The following NBEA variants were observed in gnomAD, a reference collection of about 807,000 sequenced individuals.
NBEA encodes lysosomal-trafficking regulator 2.
Under a neutral mutation model 343.4 loss-of-function variants are expected in NBEA, and 44 were observed. The ratio of observed to expected loss-of-function variants is 0.13; its 90% CI spans 0.10 to 0.16. NBEA has a LOEUF of 0.16. Among genes scored for constraint, NBEA ranks in the 10% least tolerant of loss-of-function variants. NBEA has a pLI of 1.00. For missense variants in NBEA, 2,555 were observed against 3,631.3 expected (o/e 0.70, Z 7.62); for synonymous variants, 1,175 against 1,238.7 (o/e 0.95, Z 1.08).
At chr13:35,074,809 T>A (rs942820000) in intron 10 of NBEA, among the ~76,000 whole-genome samples, 3 of 152,254 alleles carry the variant, frequency 2.0e-5, no homozygotes, top group Non-Finnish European at 4.4e-5. Flanking sequence ...AGTTACCTAT[T>A]TTTTGGGGGG....
intron 41 of NBEA, among the ~76,000 whole-genome samples, chr13:35,479,372 C>T (rs575248293): frequency 1.3e-5 from 2 of 152,262 alleles, no homozygotes; most frequent in African/African-American, 4.8e-5. Context: ...ACACTGAACA[C>T]GTGAAATGAA....
intron 33 of NBEA, among the ~76,000 whole-genome samples, chr13:35,220,291 A>G (rs4112784): frequency 0.046 from 6,968 of 152,212 alleles, 197 homozygotes; most frequent in South Asian, 0.079. Flanking sequence ...CCAAATGACT[A>G]TCATTTTTTG....
chr13:35,019,919 A>C (rs914673821), intron 1 of NBEA, among the ~76,000 whole-genome samples: 1 of 152,120 alleles, frequency 6.6e-6, no homozygotes, highest in Non-Finnish European at 1.5e-5. Context: ...CAGCTGTCCC[A>C]CACCTCTTTG....
In NBEA at chr13:35,537,768, A is replaced by G. The variant is rs146518940; in HGVS notation, c.6586-12709A>G. 1.1e-3 allele frequency among the ~76,000 whole-genome samples: 175 copies of G among 152,334 alleles called. 2 individuals are homozygous for G. Among genetic ancestry groups the G allele is most frequent in the African/African-American group, 4.0e-3 (166 of 41,584 alleles). On this transcript the variant is annotated intron_variant, in intron 41 of 58. Coordinates refer to ENST00000379939, the MANE Select transcript of NBEA (RefSeq NM_001385012.1). ...GTGACAGGAAACAACATGGTAGGTA[A>G]CAAGGGACTGAACAAAGGCCAGTGT...
rs913172433 is a variant in NBEA at position 34,965,214 on chromosome 13, G to A, written c.294+22100G>A. Among the ~76,000 whole-genome samples, 3 of 151,962 alleles carry A rather than the reference G, an allele frequency of 2.0e-5. 1 individual carries two copies. In the South Asian group the frequency reaches 6.2e-4, roughly 31 times the overall value. On this transcript the variant is annotated intron_variant, in intron 1 of 58. Transcript: ENST00000379939. ...TATGCCCAACTCTGAGGACAGAACA[G>A]GATTGGGAAGATGATTCTTATCTTT...
intron 1 of NBEA, among the ~76,000 whole-genome samples, chr13:34,959,607 G>C (rs531061854): frequency 7.9e-5 from 12 of 152,200 alleles, no homozygotes; most frequent in African/African-American, 2.9e-4. Flanking sequence ...CTGTGAAGAA[G>C]CATTTTTTCT....
At chr13:35,428,639 A>G (rs1430389741) in intron 38 of NBEA, among the ~76,000 whole-genome samples, 3 of 151,982 alleles carry the variant, frequency 2.0e-5, no homozygotes, top group African/African-American at 7.3e-5. Context: ...ATTCATTTCA[A>G]GCATTTTCAT....
chr13:35,209,769 C>T (rs1046138415), intron 32 of NBEA, among the ~76,000 whole-genome samples: 6 of 152,016 alleles, frequency 3.9e-5, no homozygotes, highest in African/African-American at 1.4e-4. Flanking sequence ...ATCATACCAC[C>T]TGAGTCTGAC....
intron 1 of NBEA, among the ~76,000 whole-genome samples, chr13:35,022,208 A>G (rs550396411): frequency 5.3e-5 from 8 of 152,160 alleles, no homozygotes; most frequent in Non-Finnish European, 8.8e-5. Flanking sequence ...ATTGTTATAG[A>G]CATATAAAGC....
intron 14 of NBEA, among the ~76,000 whole-genome samples, chr13:35,117,777 C>A (rs1225405485): frequency 6.6e-6 from 1 of 151,930 alleles, no homozygotes; most frequent in African/African-American, 2.4e-5. Flanking sequence ...AGAAAATGAT[C>A]TGTGTGCCAG....
intron 1 of NBEA, among the ~76,000 whole-genome samples, chr13:35,029,846 C>G (rs1289986991): frequency 6.6e-6 from 1 of 151,554 alleles, no homozygotes; most frequent in Non-Finnish European, 1.5e-5. Context: ...ATAAAAGTTA[C>G]TGCAGTTTAA....
chr13:35,478,672 C>G (rs1167958768), intron 41 of NBEA, among the ~76,000 whole-genome samples: 1 of 152,266 alleles, frequency 6.6e-6, no homozygotes. Flanking sequence ...GGTCTGCCCA[C>G]GCACCCCTCA....
At chr13:35,654,355 G>T (rs1186901230) in intron 53 of NBEA, among the ~76,000 whole-genome samples, 2 of 152,154 alleles carry the variant, frequency 1.3e-5, no homozygotes, top group African/African-American at 4.8e-5. Context: ...GAAGCTCCCT[G>T]TGGGGCTGCC....
intron 34 of NBEA, among the ~76,000 whole-genome samples, chr13:35,283,381 A>G (rs1430089708): frequency 6.6e-6 from 1 of 152,220 alleles, no homozygotes; most frequent in Non-Finnish European, 1.5e-5. Flanking sequence ...TTCTGGGATT[A>G]CAATTTAAAA....
intron 38 of NBEA, among the ~76,000 whole-genome samples, chr13:35,428,572 T>C (rs2044868770): frequency 6.6e-6 from 1 of 152,220 alleles, no homozygotes; most frequent in African/African-American, 2.4e-5. Flanking sequence ...GGTTCTTCTT[T>C]ACATCTTCTG....
At chr13:35,412,292 T>C (rs1197235338) in intron 38 of NBEA, among the ~76,000 whole-genome samples, 2 of 152,132 alleles carry the variant, frequency 1.3e-5, no homozygotes, top group Non-Finnish European at 2.9e-5. Context: ...ACATGTTAAC[T>C]AAAAGGGCGC....
At position 35,326,021 on chromosome 13, in the gene NBEA, G is replaced by A. The variant is rs536964422; in HGVS notation, c.5903+16429G>A. ...TCCCCTTCCATTGGTTTGTATGTGT[G>A]TTGTACCAACAACACCATGCTGTTT... On this transcript the variant is annotated intron_variant, in intron 36 of 58. Transcript: ENST00000379939. Among the ~76,000 whole-genome samples, 4 of 152,074 alleles carry A rather than the reference G, an allele frequency of 2.6e-5. No homozygotes were observed. The East Asian group carries it at 7.7e-4, about 29-fold the overall frequency.
At chr13:35,322,340 G>T (rs2038215138) in intron 36 of NBEA, among the ~76,000 whole-genome samples, 1 of 152,128 alleles carries the variant, frequency 6.6e-6, no homozygotes, top group Non-Finnish European at 1.5e-5. Flanking sequence ...GGCTTCCCTT[G>T]GCTAGGGTAG....
rs1416128983 is a variant in NBEA, at chr13:35,349,268, TC to T, written c.6012+53del. 1.4e-5 allele frequency: 15 copies of T among 1,051,628 alleles called. No individual in the cohort carries two copies. The Admixed American group carries it at 3.2e-4, about 22-fold the overall frequency. The allele number at this position is 1,051,628 out of a possible 1,614,324, so 65.1% of individuals were successfully genotyped here. A position where few individuals can be genotyped will look rare whatever the true frequency, so the allele number is the denominator to read the frequency against. On this transcript the variant is annotated intron_variant, in intron 37 of 58. Coordinates refer to ENST00000379939, the MANE Select transcript of NBEA (RefSeq NM_001385012.1). ...CTGCCTTTCTATTATAAGCCAAAAATCACCTATCTGTGACCTTACATAAGAA... is the reference window on the plus strand; with the variant it reads ...CTGCCTTTCTATTATAAGCCAAAAATACCTATCTGTGACCTTACATAAGAA...
Sources: gnomAD v4.1 joint callset for allele counts (sites outside exome capture counted in the v4.1 genomes callset) on GRCh38, gnomAD v4.1.1 for gene constraint, MANE v1.5 for transcripts, NCBI Gene and HGNC (gene_info 2026-07-23, HGNC 2026-07-21) for gene names.